Variants in GAREM1 observed in about 807,000 individuals in gnomAD.
The protein encoded by GAREM1 is GRB2-associated and regulator of MAPK protein 1.
A neutral mutation model predicts 71.3 loss-of-function variants in GAREM1; 26 were observed. The observed-to-expected ratio is 0.36, with a 90% CI of 0.27 to 0.51. The LOEUF (loss-of-function observed/expected upper bound fraction) is 0.51, where lower values mean the gene tolerates loss of function less well. GAREM1 is among the 20% of genes least tolerant of loss of function. GAREM1 has a pLI of 0.95. For synonymous variants in GAREM1, 440 were observed against 433.2 expected, an observed-to-expected ratio of 1.02 and a Z score of -0.20; for missense variants, 1,026 against 1,103.1, an observed-to-expected ratio of 0.93 and a Z score of 0.99.
At chr18:32,444,401 G>A (rs2048768150) in intron 1 of GAREM1, among the ~76,000 whole-genome samples, 1 of 152,150 alleles carries the variant, frequency 6.6e-6, no homozygotes, top group African/African-American at 2.4e-5. Flanking sequence ...AAATGCCAAT[G>A]GCTCTGTGAA....
At position 32,287,072 on chromosome 18, in the gene GAREM1, T is replaced by G; in HGVS notation, c.1525A>C (p.Thr509Pro). 1 of 1,614,198 alleles carries G rather than the reference T, an allele frequency of 6.2e-7. No homozygotes were observed. The change falls in exon 4 of 6, where the codon ACT (threonine) becomes CCT (proline). Residue 509 changes from threonine to proline, a missense_variant. This residue lies in a region of GAREM1 where 636 missense variants were observed against 631.2 expected (regional missense o/e 1.01). Coordinates refer to ENST00000269209, the MANE Select transcript of GAREM1 (RefSeq NM_001242409.2). The surrounding 1 kb of genome is among the most constrained non-coding windows in gnomAD (Gnocchi z 5.9). The stretch of plus-strand genomic sequence containing the variant: ...GGCACTGGAGGTGGAGGTAGGGCAG[T>G]ATCTGAAGACTTCACTGCTGCTCCC... ...TLGAAVKSSD[T>P]ALPPPPVPPK...
intron 4 of GAREM1, among the ~76,000 whole-genome samples, chr18:32,270,620 G>A (rs1417365253): frequency 1.3e-5 from 2 of 152,166 alleles, no homozygotes; most frequent in South Asian, 2.1e-4. Context: ...GAAACTGCTT[G>A]GCAAATGCTG....
intron 1 of GAREM1, among the ~76,000 whole-genome samples, chr18:32,401,632 T>C (rs2048316600): frequency 6.6e-6 from 1 of 152,154 alleles, no homozygotes; most frequent in African/African-American, 2.4e-5. Context: ...AAAGCTCTGC[T>C]TTAGAAAAAT....
At chr18:32,370,885 T>C (rs1479907769) in intron 2 of GAREM1, among the ~76,000 whole-genome samples, 1 of 152,168 alleles carries the variant, frequency 6.6e-6, no homozygotes, top group Non-Finnish European at 1.5e-5. Context: ...CAATCCAAAC[T>C]ACATAGACAC....
At chr18:32,341,308 T>C (rs1269413901) in intron 2 of GAREM1, among the ~76,000 whole-genome samples, 1 of 152,230 alleles carries the variant, frequency 6.6e-6, no homozygotes, top group African/African-American at 2.4e-5. Context: ...GGACATGAAC[T>C]CATCCTTTTT....
intron 2 of GAREM1, among the ~76,000 whole-genome samples, chr18:32,331,270 T>C (rs1298459935): frequency 6.6e-6 from 1 of 152,190 alleles, no homozygotes; most frequent in Non-Finnish European, 1.5e-5. Flanking sequence ...ACAACTGGTG[T>C]CAGAGGCTGT....
intron 2 of GAREM1, among the ~76,000 whole-genome samples, chr18:32,357,897 G>C (rs1435221988): frequency 6.6e-6 from 1 of 152,168 alleles, no homozygotes; most frequent in East Asian, 1.9e-4. Flanking sequence ...AATTAGTGGT[G>C]CCTTGAATTC....
At chr18:32,327,626 T>G (rs2047486590) in intron 2 of GAREM1, among the ~76,000 whole-genome samples, 1 of 152,240 alleles carries the variant, frequency 6.6e-6, no homozygotes, top group African/African-American at 2.4e-5. Context: ...TTGTAAAACC[T>G]AGAGTGTGAC....
At chr18:32,330,074 C>T (rs1043855197) in intron 2 of GAREM1, among the ~76,000 whole-genome samples, 2 of 152,090 alleles carry the variant, frequency 1.3e-5, no homozygotes, top group African/African-American at 4.8e-5. Flanking sequence ...CATCACAGCA[C>T]TACTCACAAT....
At chr18:32,391,908 G>T (rs999519406) in intron 2 of GAREM1, among the ~76,000 whole-genome samples, 2 of 151,988 alleles carry the variant, frequency 1.3e-5, no homozygotes, top group African/African-American at 4.8e-5. Context: ...AGATTCCCAG[G>T]AATCAAAAAT....
chr18:32,340,719 C>T (rs1351611936), intron 2 of GAREM1, among the ~76,000 whole-genome samples: 1 of 152,042 alleles, frequency 6.6e-6, no homozygotes, highest in African/African-American at 2.4e-5. Flanking sequence ...TTACTGGATG[C>T]TAGGTACTTC....
At chr18:32,443,298 T>C (rs985755104) in intron 1 of GAREM1, among the ~76,000 whole-genome samples, 1 of 152,194 alleles carries the variant, frequency 6.6e-6, no homozygotes, top group African/African-American at 2.4e-5. Context: ...ATTAGACTTC[T>C]TTAAAATTAA....
At chr18:32,376,247 T>C (rs2048029666) in intron 2 of GAREM1, among the ~76,000 whole-genome samples, 1 of 152,214 alleles carries the variant, frequency 6.6e-6, no homozygotes, top group Non-Finnish European at 1.5e-5. Context: ...CGTCTCAAGA[T>C]TTAATTGTCT....
Position 32,470,610 on chromosome 18 carries a change from C to G in GAREM1, c.-182G>C, listed in dbSNP as rs2049045454. 1 of 204,488 alleles carries G rather than the reference C, an allele frequency of 4.9e-6. No individual in the cohort carries two copies. The highest frequency in any genetic ancestry group is 8.4e-6 in the Non-Finnish European group (1 of 118,488). 12.7% of individuals were successfully genotyped at this position (204,488 alleles called of 1,614,324 possible). On this transcript the variant is annotated 5_prime_UTR_variant, in exon 1 of 6. Transcript: ENST00000269209. This position sits in a 1 kb window ranked among gnomAD's most constrained non-coding sequence, Gnocchi z 4.4. ...GGCCCGGAGGGAGGGGGCCGGCGCC[C>G]GGCTCAGCTGCCGCTGCGGGGCATG...
intron 2 of GAREM1, among the ~76,000 whole-genome samples, chr18:32,364,014 ATATATATATATATGTTTTT>A (rs2047898147): frequency 2.0e-5 from 1 of 50,694 alleles, no homozygotes; most frequent in African/African-American, 1.2e-4. Context: ...ATATATATAT[ATATATATATATATGTTTTT>A]TTTTTTTTTT....
chr18:32,411,988 A>C (rs1323314545), intron 1 of GAREM1, among the ~76,000 whole-genome samples: 3 of 152,222 alleles, frequency 2.0e-5, no homozygotes, highest in East Asian at 3.9e-4. Flanking sequence ...GGAATGCTTT[A>C]CACTTTCCAC....
intron 1 of GAREM1, among the ~76,000 whole-genome samples, chr18:32,402,921 T>C (rs543241687): frequency 6.6e-6 from 1 of 152,192 alleles, no homozygotes; most frequent in Non-Finnish European, 1.5e-5. Flanking sequence ...TTTCTTTCCT[T>C]CTTTTTCTTT....
At chr18:32,414,449 A>AT (rs1195585428) in intron 1 of GAREM1, among the ~76,000 whole-genome samples, 1 of 152,088 alleles carries the variant, frequency 6.6e-6, no homozygotes, top group Non-Finnish European at 1.5e-5. Flanking sequence ...ATGTGGTTAC[A>AT]TAAAAAAAAA....
intron 2 of GAREM1, among the ~76,000 whole-genome samples, chr18:32,353,267 G>A (rs757122445): frequency 9.9e-5 from 15 of 152,136 alleles, no homozygotes; most frequent in Non-Finnish European, 2.1e-4. Context: ...GGCATATTGT[G>A]GGCCATGTGT....
Sources: allele counts gnomAD v4.1 joint callset (sites outside exome capture counted in the v4.1 genomes callset), GRCh38; gene constraint gnomAD v4.1.1; regional missense constraint gnomAD v4.1.1; non-coding constraint Gnocchi (gnomAD v3.1); transcripts MANE v1.5; gene names NCBI Gene and HGNC (gene_info 2026-07-23, HGNC 2026-07-21).